Variants in SLC12A2 observed in about 807,000 individuals in gnomAD.
SLC12A2 encodes Na-K-2Cl cotransporter 1.
SLC12A2 carries 67 observed loss-of-function variants against 136.3 expected under a neutral mutation model. The ratio of observed to expected loss-of-function variants is 0.49; its 90% CI spans 0.40 to 0.60. The LOEUF is 0.60. SLC12A2 is among the 20% of genes least tolerant of loss of function. The probability of loss-of-function intolerance (pLI) is 0.00; values close to 1 mark genes in which losing one functional copy is unlikely to be tolerated. For missense variants in SLC12A2, 1,322 were observed against 1,534.7 expected (o/e 0.86, Z 2.32); for synonymous variants, 619 against 562.9 (o/e 1.10, Z -1.41).
At chr5:128,101,998 T>C (rs1331175214) in intron 1 of SLC12A2, among the ~76,000 whole-genome samples, 2 of 152,192 alleles carry the variant, frequency 1.3e-5, no homozygotes, top group East Asian at 3.9e-4. Context: ...TAAGAAGCTA[T>C]GTAGTAGAGT....
At chr5:128,178,857 C>T (rs2126755161) in intron 22 of SLC12A2, among the ~76,000 whole-genome samples, 168 bp downstream of exon 22, 1 of 152,272 alleles carries the variant, frequency 6.6e-6, no homozygotes, top group Middle Eastern at 3.4e-3. Context: ...TGTCTGGTCT[C>T]TTCAGTATCC....
chr5:128,158,871 T>G (rs1164897491), intron 16 of SLC12A2, among the ~76,000 whole-genome samples: 1 of 151,936 alleles, frequency 6.6e-6, no homozygotes, highest in Non-Finnish European at 1.5e-5. Context: ...CTGTGTTTTT[T>G]TTTTTTTTTG....
chr5:128,125,908 C>T (rs1357478118), intron 4 of SLC12A2, among the ~76,000 whole-genome samples: 2 of 152,130 alleles, frequency 1.3e-5, no homozygotes, highest in African/African-American at 4.8e-5. Context: ...CTTGTTTTGG[C>T]ACCATTTTTT....
intron 4 of SLC12A2, among the ~76,000 whole-genome samples, chr5:128,118,714 A>C (rs1761445016): frequency 6.6e-6 from 1 of 152,218 alleles, no homozygotes; most frequent in Non-Finnish European, 1.5e-5. Flanking sequence ...CCTGTTCCCC[A>C]AAAACTATTG....
intron 14 of SLC12A2, among the ~76,000 whole-genome samples, chr5:128,152,256 C>T (rs944680999): frequency 6.6e-6 from 1 of 152,126 alleles, no homozygotes; most frequent in Non-Finnish European, 1.5e-5. Context: ...TATAAATTAA[C>T]AAATGTCTAA....
At position 128,186,745 on chromosome 5, in the gene SLC12A2, G is replaced by A. The variant is rs975221672; in HGVS notation, c.*114G>A. On this transcript the variant is annotated 3_prime_UTR_variant, in exon 27 of 27. Transcript: ENST00000262461. ...TGGCGAATGGTGACTTTTCTTTCACGATTTCATTAATTTGAAAGCACACAG... is the reference window on the plus strand; with the variant it reads ...TGGCGAATGGTGACTTTTCTTTCACAATTTCATTAATTTGAAAGCACACAG... 20 of 1,138,860 alleles carry A rather than the reference G, an allele frequency of 1.8e-5. No individual in the cohort carries two copies. Among genetic ancestry groups the A allele is most frequent in the African/African-American group, 9.2e-5 (6 of 64,896 alleles). The allele number at this position is 1,138,860 out of a possible 1,614,324, so 70.5% of individuals were successfully genotyped here.
At chr5:128,109,183 T>C (rs115359201) in intron 1 of SLC12A2, among the ~76,000 whole-genome samples, 1,639 of 152,350 alleles carry the variant, frequency 0.011, 18 homozygotes, top group Non-Finnish European at 0.017. Flanking sequence ...GTTAAAATAA[T>C]TTTCAAAAAA....
intron 1 of SLC12A2, among the ~76,000 whole-genome samples, chr5:128,106,568 T>G (rs1760944462): frequency 6.6e-6 from 1 of 152,202 alleles, no homozygotes; most frequent in Non-Finnish European, 1.5e-5. Flanking sequence ...GACTTTTGAA[T>G]TTTATTGTAG....
chr5:128,110,157 G>T lies in SLC12A2; in HGVS notation c.757-2657G>T, dbSNP rs568825753. ...CATACTACTTTCTTTGACTAGAAAG[G>T]TGAAGATGCCAGATGTAGAGTTCTT... On this transcript the variant is annotated intron_variant, in intron 1 of 26. Transcript: ENST00000262461. 3.1e-5 allele frequency: 26 copies of T among 849,776 alleles called. No homozygotes were observed. In the South Asian group the frequency reaches 3.3e-4, roughly 11 times the overall value. 52.6% of individuals were successfully genotyped at this position (849,776 alleles called of 1,614,324 possible).
chr5:128,174,696 T>C, intron 20 of SLC12A2, 30 bp downstream of exon 20: 2 of 1,480,314 alleles, frequency 1.4e-6, no homozygotes, highest in Admixed American at 4.3e-5. Context: ...TAAGTCTTAT[T>C]AATAGTAATG....
At chr5:128,113,331 C>T (rs1353031866) in intron 2 of SLC12A2, among the ~76,000 whole-genome samples, 1 of 152,088 alleles carries the variant, frequency 6.6e-6, no homozygotes, top group Non-Finnish European at 1.5e-5. Flanking sequence ...CTTTCACATT[C>T]CCCCCATTAT....
intron 19 of SLC12A2, among the ~76,000 whole-genome samples, chr5:128,172,962 A>G (rs1763424436): frequency 7.3e-6 from 1 of 137,326 alleles, no homozygotes; most frequent in Non-Finnish European, 1.6e-5. Flanking sequence ...TACAAAAAAA[A>G]CAAAAAACAA....
chr5:128,173,025 GAT>G (rs1424052410), intron 19 of SLC12A2, among the ~76,000 whole-genome samples: 2 of 151,508 alleles, frequency 1.3e-5, no homozygotes, highest in African/African-American at 4.8e-5. Context: ...AAGATTTTCT[GAT>G]ACTTTAAGAA....
chr5:128,087,067 T>C (rs1222417675), intron 1 of SLC12A2, among the ~76,000 whole-genome samples: 1 of 152,232 alleles, frequency 6.6e-6, no homozygotes, highest in Non-Finnish European at 1.5e-5. Context: ...CAGAAACTTG[T>C]TAGGGAAAAG....
chr5:128,112,737 T>G (rs905430772), intron 1 of SLC12A2, 77 bp from the exon 2 acceptor site: 33 of 1,115,644 alleles, frequency 3.0e-5, no homozygotes, highest in Non-Finnish European at 4.2e-5. Flanking sequence ...GTTAGATGTA[T>G]TTAGTTATGT....
intron 24 of SLC12A2, 113 bp downstream of exon 24, chr5:128,183,054 A>G (rs186773195): frequency 5.0e-6 from 3 of 598,612 alleles, no homozygotes; most frequent in South Asian, 2.9e-5. Context: ...TGTGAAGTCA[A>G]TATTTTAAAA....
At position 128,084,751 on chromosome 5, in the gene SLC12A2, GCA is replaced by G; in HGVS notation, c.756+42_756+43del. On this transcript the variant is annotated intron_variant, in intron 1 of 26. Coordinates refer to ENST00000262461, the MANE Select transcript of SLC12A2 (RefSeq NM_001046.3). This position sits in a 1 kb window ranked among gnomAD's most constrained non-coding sequence, Gnocchi z 5.6. Reference sequence around the variant, plus strand: ...CCTCCCTTCTTCCCCAGCCCCTGGTGCATGCCGACCGCGGGATGTGGCTGCAG... The same window carrying G: ...CCTCCCTTCTTCCCCAGCCCCTGGTGTGCCGACCGCGGGATGTGGCTGCAG... The G allele has an allele frequency of 8.7e-6, 13 of 1,502,876 alleles. No homozygotes were observed. Among genetic ancestry groups the G allele is most frequent in the Non-Finnish European group, 1.2e-5 (13 of 1,122,240 alleles). 93.1% of individuals were successfully genotyped at this position (1,502,876 alleles called of 1,614,324 possible).
chr5:128,086,812 A>G (rs972428066), intron 1 of SLC12A2, among the ~76,000 whole-genome samples: 1 of 152,198 alleles, frequency 6.6e-6, no homozygotes, highest in Non-Finnish European at 1.5e-5. Flanking sequence ...GAGGGGTTAT[A>G]ACAGGTTGGC....
Position 128,188,503 on chromosome 5 carries a change from T to TA in SLC12A2, c.*1873dup, listed in dbSNP as rs1763937665. ...AGAGACAGGGTTTCACCGTGTTGGCTAGGATGGTGTCTATCTCTTGACCTT... is the reference window on the plus strand; with the variant it reads ...AGAGACAGGGTTTCACCGTGTTGGCTAAGGATGGTGTCTATCTCTTGACCTT... On this transcript the variant is annotated 3_prime_UTR_variant, in exon 27 of 27. Transcript: ENST00000262461. 1 of 151,618 alleles carries TA rather than the reference T, an allele frequency of 6.6e-6. No individual in the cohort carries two copies. Among genetic ancestry groups the TA allele is most frequent in the Admixed American group, 6.6e-5 (1 of 15,202 alleles). 9.4% of individuals were successfully genotyped at this position (151,618 alleles called of 1,614,324 possible).
Sources: allele counts gnomAD v4.1 joint callset (sites outside exome capture counted in the v4.1 genomes callset), GRCh38; gene constraint gnomAD v4.1.1; non-coding constraint Gnocchi (gnomAD v3.1); transcripts MANE v1.5; gene names NCBI Gene and HGNC (gene_info 2026-07-23, HGNC 2026-07-21).